MYO5B: variants seen among roughly 807,000 people sequenced by gnomAD.
MYO5B encodes unconventional myosin-Vb.
Under a neutral mutation model 229.3 loss-of-function variants are expected in MYO5B, and 143 were observed. That is an observed-to-expected ratio of 0.62 (90% CI 0.54 to 0.72). The LOEUF (loss-of-function observed/expected upper bound fraction) is 0.72, where lower values mean the gene tolerates loss of function less well. Among genes scored for constraint, MYO5B ranks in the 30% least tolerant of loss-of-function variants. The pLI, the probability that MYO5B is intolerant of heterozygous loss-of-function variation, is 0.00. For missense variants in MYO5B, 2,321 were observed against 2,331.0 expected (o/e 1.00, Z 0.09); for synonymous variants, 918 against 885.2 (o/e 1.04, Z -0.66).
At chr18:49,887,422 T>C (rs117168332) in intron 22 of MYO5B, among the ~76,000 whole-genome samples, 223 of 152,208 alleles carry the variant, frequency 1.5e-3, no homozygotes, top group Non-Finnish European at 2.4e-3. Context: ...AACGTTTTCA[T>C]TGCCCTAGCG....
chr18:50,019,231 G>A (rs111568152), intron 4 of MYO5B, among the ~76,000 whole-genome samples: 11 of 152,250 alleles, frequency 7.2e-5, no homozygotes, highest in African/African-American at 2.2e-4. Flanking sequence ...TAATATAAAC[G>A]CATAGAAGTC....
intron 1 of MYO5B, among the ~76,000 whole-genome samples, chr18:50,157,723 C>A (rs1177606464): frequency 2.0e-5 from 3 of 152,168 alleles, no homozygotes; most frequent in African/African-American, 7.2e-5. Flanking sequence ...TTCATTTTCA[C>A]CAGTGCCCAG....
At chr18:49,961,064 C>T (rs1333439966) in intron 12 of MYO5B, among the ~76,000 whole-genome samples, 4 of 152,150 alleles carry the variant, frequency 2.6e-5, no homozygotes, top group Admixed American at 1.3e-4. Context: ...GGAAAAGGAG[C>T]ATGACCTTGG....
chr18:49,953,889 C>CAT (rs199777620), intron 13 of MYO5B, among the ~76,000 whole-genome samples: 4 of 90,314 alleles, frequency 4.4e-5, no homozygotes, highest in African/African-American at 1.3e-4. Flanking sequence ...TTTATATATA[C>CAT]ATATATGTGT....
At chr18:50,032,786 G>C (rs2026404091) in intron 4 of MYO5B, among the ~76,000 whole-genome samples, 1 of 152,164 alleles carries the variant, frequency 6.6e-6, no homozygotes, top group Non-Finnish European at 1.5e-5. Context: ...AGGAGTTCGA[G>C]ACCAGCCTGG....
intron 39 of MYO5B, among the ~76,000 whole-genome samples, chr18:49,831,278 C>T (rs1332355383): frequency 6.6e-6 from 1 of 152,058 alleles, no homozygotes; most frequent in East Asian, 1.9e-4. Flanking sequence ...ATTGGACATC[C>T]TCAAAATTTA....
chr18:49,997,850 A>C, intron 5 of MYO5B, among the ~76,000 whole-genome samples: 1 of 152,144 alleles, frequency 6.6e-6, no homozygotes, highest in East Asian at 1.9e-4. Flanking sequence ...CAGCAGACGC[A>C]ATGAGACAAC....
chr18:50,144,093 C>T (rs1281275473), intron 1 of MYO5B, among the ~76,000 whole-genome samples: 2 of 152,140 alleles, frequency 1.3e-5, no homozygotes, highest in Non-Finnish European at 2.9e-5. Flanking sequence ...AGTCACAGAA[C>T]ACAGAGACCA....
chr18:49,875,907 T>C, intron 25 of MYO5B, 80 bp from the exon 26 acceptor site: 1 of 1,534,526 alleles, frequency 6.5e-7, no homozygotes, highest in Non-Finnish European at 9.0e-7. Context: ...ACTGCCTCCC[T>C]CTATATCAGC....
At chr18:50,017,176 G>A (rs977693925) in intron 4 of MYO5B, among the ~76,000 whole-genome samples, 8 of 152,214 alleles carry the variant, frequency 5.3e-5, no homozygotes, top group Non-Finnish European at 7.4e-5. Flanking sequence ...GGAGTGCAGC[G>A]GCATGATCTC....
chr18:49,834,355 G>T (rs941967205), intron 39 of MYO5B, among the ~76,000 whole-genome samples: 1 of 152,104 alleles, frequency 6.6e-6, no homozygotes, highest in African/African-American at 2.4e-5. Context: ...GGCCAACAAG[G>T]TCATTTAAAA....
chr18:50,092,316 G>T lies in MYO5B; in HGVS notation c.28-36938C>A, dbSNP rs138614743. ...TCACTAAACCAAGAAACAGTGATGG[G>T]AGCAGCATTAAAAGGAAGAATGGGT... On this transcript the variant is annotated intron_variant, in intron 1 of 39. Coordinates refer to ENST00000285039, the MANE Select transcript of MYO5B (RefSeq NM_001080467.3). 4.1e-3 allele frequency among the ~76,000 whole-genome samples: 620 copies of T among 152,278 alleles called. 2 individuals carry two copies. Among genetic ancestry groups the T allele is most frequent in the Middle Eastern group, 6.8e-3 (2 of 294 alleles).
At chr18:49,994,228 T>C (rs1304644988) in intron 5 of MYO5B, among the ~76,000 whole-genome samples, 3 of 152,170 alleles carry the variant, frequency 2.0e-5, no homozygotes, top group Non-Finnish European at 2.9e-5. Flanking sequence ...CGGTTAACCC[T>C]CTGTGTTCAT....
At chr18:50,028,516 G>A (rs1222874875) in intron 4 of MYO5B, among the ~76,000 whole-genome samples, 2 of 152,056 alleles carry the variant, frequency 1.3e-5, no homozygotes, top group Admixed American at 6.5e-5. Context: ...GGGCCAGAGT[G>A]GGGGGCAAGG....
intron 27 of MYO5B, 128 bp from the exon 28 acceptor site, chr18:49,864,508 A>G (rs913103734): frequency 2.8e-5 from 38 of 1,349,564 alleles, no homozygotes; most frequent in Middle Eastern, 1.9e-4. Flanking sequence ...ACACACATGG[A>G]AAGTTCTGAC....
At chr18:49,936,172 C>G in intron 16 of MYO5B, 80 bp downstream of exon 16, 1 of 1,256,908 alleles carries the variant, frequency 8.0e-7, no homozygotes, top group Non-Finnish European at 1.1e-6. Context: ...CCACAGACCC[C>G]CAGGCAAGGC....
intron 1 of MYO5B, among the ~76,000 whole-genome samples, chr18:50,099,537 G>T (rs1172255549): frequency 6.6e-6 from 1 of 152,184 alleles, no homozygotes; most frequent in Non-Finnish European, 1.5e-5. Context: ...AGCCAGCCTT[G>T]TAAGTAAAAC....
chr18:50,050,206 G>T (rs906819186), intron 2 of MYO5B, among the ~76,000 whole-genome samples: 83 of 152,284 alleles, frequency 5.5e-4, no homozygotes, highest in Non-Finnish European at 2.2e-4. Flanking sequence ...GCTAAAAGAA[G>T]AAGTAATCAA....
At chr18:50,115,253 C>T (rs2031937373) in intron 1 of MYO5B, among the ~76,000 whole-genome samples, 1 of 152,316 alleles carries the variant, frequency 6.6e-6, no homozygotes, top group African/African-American at 2.4e-5. Flanking sequence ...CATGTCTTAG[C>T]TCTTCAAACA....
Sources: gnomAD v4.1 joint callset for allele counts (sites outside exome capture counted in the v4.1 genomes callset) on GRCh38, gnomAD v4.1.1 for gene constraint, MANE v1.5 for transcripts, NCBI Gene and HGNC (gene_info 2026-07-23, HGNC 2026-07-21) for gene names.